The following JADE1 variants were observed in gnomAD, a reference collection of about 807,000 sequenced individuals.
JADE1 encodes jade family PHD finger 1.
In JADE1, 14 loss-of-function variants were observed where a neutral mutation model predicts 81.8. The ratio of observed to expected loss-of-function variants is 0.17; its 90% CI spans 0.11 to 0.27. The LOEUF (loss-of-function observed/expected upper bound fraction) is 0.27, where lower values mean the gene tolerates loss of function less well. Among genes scored for constraint, JADE1 ranks in the 10% least tolerant of loss-of-function variants. The probability of loss-of-function intolerance (pLI) is 1.00; values close to 1 mark genes in which losing one functional copy is unlikely to be tolerated. For synonymous variants in JADE1, 353 were observed against 391.9 expected (o/e 0.90, Z 1.17); for missense variants, 690 against 1,047.9 (o/e 0.66, Z 4.71).
At chr4:128,862,909 TG>T in intron 9 of JADE1, 1 of 987,210 alleles carries the variant, frequency 1.0e-6, no homozygotes, top group East Asian at 1.1e-4. Context: ...TGTGTGTGTG[TG>T]TGTGCGCGTG....
At position 128,874,003 on chromosome 4, in the gene JADE1, A is replaced by C. The variant is rs572330294; in HGVS notation, c.*1741A>C. ...TCAAGGACATTTTAGTAGCTAATTCAGGGGAGGGGGAAGAATGATGCAGGT... is the reference window on the plus strand; with the variant it reads ...TCAAGGACATTTTAGTAGCTAATTCCGGGGAGGGGGAAGAATGATGCAGGT... On this transcript the variant is annotated 3_prime_UTR_variant, in exon 11 of 11. Coordinates refer to ENST00000226319, the MANE Select transcript of JADE1 (RefSeq NM_199320.4). 6.5e-6 allele frequency: 1 copy of C among 152,764 alleles called. No homozygotes were observed. The highest frequency in any genetic ancestry group is 2.4e-5 in the African/African-American group (1 of 41,580). The allele number at this position is 152,764 out of a possible 1,614,324, so 9.5% of individuals were successfully genotyped here. A position where few individuals can be genotyped will look rare whatever the true frequency, so the allele number is the denominator to read the frequency against.
chr4:128,864,179 A>C (rs1731602625), intron 9 of JADE1: 1 of 940,776 alleles, frequency 1.1e-6, no homozygotes, highest in Non-Finnish European at 1.3e-6. Flanking sequence ...ACAGAGTCTC[A>C]CTTTGTTGCC....
Position 128,831,749 on chromosome 4 carries a change from C to G in JADE1, c.-10C>G. The G allele has an allele frequency of 6.2e-7, 1 of 1,614,032 alleles. No homozygotes were observed. The highest frequency in any genetic ancestry group is 1.1e-5 in the South Asian group (1 of 91,072). On this transcript the variant is annotated 5_prime_UTR_variant, in exon 2 of 11. Transcript: ENST00000226319. ...GCTTTGCAGGCTGCCTGCTGTTTCC[C>G]GGGGAGATCATGAAACGAGGTCGCC...
chr4:128,862,711 C>CT (rs1731446564), intron 9 of JADE1: 1 of 1,007,346 alleles, frequency 9.9e-7, no homozygotes, highest in African/African-American at 1.7e-5. Context: ...ATGAAGGAAG[C>CT]TAAGCACGGC....
chr4:128,830,405 T>C (rs564372373), intron 1 of JADE1, among the ~76,000 whole-genome samples: 14 of 152,128 alleles, frequency 9.2e-5, no homozygotes, highest in African/African-American at 3.4e-4. Flanking sequence ...GGCTAATTTT[T>C]ATATTTTTAG....
chr4:128,810,836 GTAAAA>G (rs997676824), intron 1 of JADE1, among the ~76,000 whole-genome samples: 2 of 152,146 alleles, frequency 1.3e-5, no homozygotes, highest in Non-Finnish European at 2.9e-5. Context: ...CTTGTAAAGT[GTAAAA>G]CCCCTTAATC....
At chr4:128,828,569 C>A (rs1047238052) in intron 1 of JADE1, among the ~76,000 whole-genome samples, 7 of 152,112 alleles carry the variant, frequency 4.6e-5, no homozygotes, top group African/African-American at 1.7e-4. Context: ...TCAAGATCTT[C>A]AGCGGATGAA....
In JADE1 at chr4:128,862,563, C is replaced by T. The variant is rs1424731130; in HGVS notation, c.1503+338C>T. 10 of 1,135,772 alleles carry T rather than the reference C, an allele frequency of 8.8e-6. No homozygotes were observed. The Admixed American group carries it at 3.5e-4, about 40-fold the overall frequency. 70.4% of individuals were successfully genotyped at this position (1,135,772 alleles called of 1,614,324 possible). ...GAGTGAATGAGCCCCAAGAAAATGA[C>T]CCAAGGAGTTGACTCAGGATGGTTT... On this transcript the variant is annotated intron_variant, in intron 9 of 10. Transcript: ENST00000226319.
chr4:128,855,063 T>C (rs559908020), intron 6 of JADE1, among the ~76,000 whole-genome samples: 2 of 151,466 alleles, frequency 1.3e-5, no homozygotes, highest in Non-Finnish European at 2.9e-5. Context: ...GGGATCTAGT[T>C]GGTATGGAGT....
chr4:128,870,559 A>C (rs1732113316), intron 10 of JADE1, among the ~76,000 whole-genome samples: 1 of 152,204 alleles, frequency 6.6e-6, no homozygotes. Context: ...GGTCATGACC[A>C]GTATTAAAAA....
chr4:128,859,044 C>T (rs1197929455), intron 8 of JADE1, among the ~76,000 whole-genome samples: 1 of 152,026 alleles, frequency 6.6e-6, no homozygotes, highest in Non-Finnish European at 1.5e-5. Context: ...TGGCTGGGGA[C>T]CTTGAAATAG....
chr4:128,823,805 T>G (rs1377076431), intron 1 of JADE1, among the ~76,000 whole-genome samples: 3 of 152,204 alleles, frequency 2.0e-5, no homozygotes, highest in Non-Finnish European at 4.4e-5. Flanking sequence ...ATTTTTAGAT[T>G]CTGTGAGCAT....
rs1729839448 is a variant in JADE1 at position 128,845,937 on chromosome 4, A to T, written c.139-438A>T. ...AGATTCCATCTCAGAAAAAAAAAAA[A>T]GGAGATGAGTCCCTGGTGGTTCTGG... is the stretch of plus-strand genomic sequence containing the variant. On this transcript the variant is annotated intron_variant, in intron 3 of 10. Transcript: ENST00000226319. Among the ~76,000 whole-genome samples the T allele has an allele frequency of 2.0e-5, 3 of 151,348 alleles. No homozygotes were observed. The South Asian group carries it at 6.3e-4, about 32-fold the overall frequency.
chr4:128,821,343 G>A (rs1227996432), intron 1 of JADE1, among the ~76,000 whole-genome samples: 1 of 152,198 alleles, frequency 6.6e-6, no homozygotes, highest in African/African-American at 2.4e-5. Context: ...GCCTGGGGGT[G>A]TGGAAAAGAA....
intron 9 of JADE1, among the ~76,000 whole-genome samples, 188 bp from the exon 10 acceptor site, chr4:128,867,668 T>C (rs1216071793): frequency 6.6e-6 from 1 of 152,180 alleles, no homozygotes; most frequent in Admixed American, 6.5e-5. Flanking sequence ...GAGGGCTATA[T>C]GTGGAATCCT....
At position 128,875,007 on chromosome 4, in the gene JADE1, A is replaced by G. The variant is rs1252244543; in HGVS notation, c.*2745A>G. The G allele has an allele frequency of 2.9e-5, 3 of 103,070 alleles. No individual in the cohort carries two copies. The highest frequency in any genetic ancestry group is 8.5e-5 in the African/African-American group (2 of 23,626). 6.4% of individuals were successfully genotyped at this position (103,070 alleles called of 1,614,324 possible). A position where few individuals can be genotyped will look rare whatever the true frequency, so the allele number is the denominator to read the frequency against. ...TGGTGTCCATTCAGCTAAAATTGAA[A>G]AAAAAAAAAAGGTGCATGAAGAGTT... is the stretch of plus-strand genomic sequence containing the variant. On this transcript the variant is annotated 3_prime_UTR_variant, in exon 11 of 11. Transcript: ENST00000226319.
Position 128,846,485 on chromosome 4 carries a change from G to C in JADE1, c.249G>C (p.Gly83=), listed in dbSNP as rs1355925921. 6.2e-7 allele frequency: 1 copy of C among 1,614,184 alleles called. No homozygotes were observed. The highest frequency in any genetic ancestry group is 2.2e-5 in the East Asian group (1 of 44,882). The part of the protein sequence containing the change: ...ADPWRQEWEK[G]VQVPVSPGTI... ...CCTGGAGACAGGAATGGGAGAAAGG[G>C]GTCCAGGTGCCTGTGAGCCCGGGGA... The change falls in exon 4 of 11, where the codon GGG becomes GGC. Residue 83 remains glycine (G), a synonymous_variant. Coordinates refer to ENST00000226319, the MANE Select transcript of JADE1 (RefSeq NM_199320.4). This position sits in a 1 kb window ranked among gnomAD's most constrained non-coding sequence, Gnocchi z 4.0.
chr4:128,867,018 A>G (rs1731830811), intron 9 of JADE1, among the ~76,000 whole-genome samples: 1 of 152,222 alleles, frequency 6.6e-6, no homozygotes, highest in African/African-American at 2.4e-5. Context: ...AATGTTGATT[A>G]CTGAGCATAG....
At chr4:128,849,669 C>G (rs969496467) in intron 5 of JADE1, among the ~76,000 whole-genome samples, 3 of 152,206 alleles carry the variant, frequency 2.0e-5, no homozygotes, top group Non-Finnish European at 4.4e-5. Flanking sequence ...TTCTTTTTCC[C>G]TCCGTTTATC....
Sources: allele counts gnomAD v4.1 joint callset (sites outside exome capture counted in the v4.1 genomes callset), GRCh38; gene constraint gnomAD v4.1.1; non-coding constraint Gnocchi (gnomAD v3.1); transcripts MANE v1.5; gene names NCBI Gene and HGNC (gene_info 2026-07-23, HGNC 2026-07-21).